The following NIPSNAP1 variants were observed in gnomAD, a reference collection of about 807,000 sequenced individuals.
The protein encoded by NIPSNAP1 is nipsnap homolog 1, also known as protein NipSnap homolog 1.
A neutral mutation model predicts 49.2 loss-of-function variants in NIPSNAP1; 25 were observed. The ratio of observed to expected loss-of-function variants is 0.51; its 90% confidence interval spans 0.37 to 0.71. NIPSNAP1 has a LOEUF of 0.71. NIPSNAP1 is among the 30% of genes least tolerant of loss of function. NIPSNAP1 has a pLI of 0.00. For missense variants in NIPSNAP1, 294 were observed against 361.0 expected (o/e 0.81, Z 1.50); for synonymous variants, 143 against 140.7 (o/e 1.02, Z -0.12).
rs867887669 is a variant in NIPSNAP1 at position 29,555,140 on chromosome 22, G to A, written c.*795C>T. 6.6e-6 allele frequency: 1 copy of A among 152,430 alleles called. No homozygotes were observed. Among genetic ancestry groups the A allele is most frequent in the East Asian group, 1.9e-4 (1 of 5,334 alleles). 9.4% of individuals were successfully genotyped at this position (152,430 alleles called of 1,614,324 possible). On this transcript the variant is annotated 3_prime_UTR_variant, in exon 10 of 10. Transcript: ENST00000216121. Reference sequence around the variant, plus strand: ...TTTAAGTTTTCAACCCCAATATGCAGGGGGAAACAGCCAAGCCACTCTCCA... The same window carrying A: ...TTTAAGTTTTCAACCCCAATATGCAAGGGGAAACAGCCAAGCCACTCTCCA...
Position 29,561,072 on chromosome 22 carries a change from T to A in NIPSNAP1, c.611+99A>T, listed in dbSNP as rs1172286617. The A allele has an allele frequency of 2.7e-5, 32 of 1,169,584 alleles. No homozygotes were observed. In the Admixed American group the frequency reaches 5.3e-4, roughly 20 times the overall value. The allele number at this position is 1,169,584 out of a possible 1,614,324, so 72.5% of individuals were successfully genotyped here. A position where few individuals can be genotyped will look rare whatever the true frequency, so the allele number is the denominator to read the frequency against. On this transcript the variant is annotated intron_variant, in intron 7 of 9. Transcript: ENST00000216121. ...GAGGGGCAGAAGGTAAAGAGTTCCCTGTGATATGGCCCTGGAAAAGGTGGC... is the reference window on the plus strand; with the variant it reads ...GAGGGGCAGAAGGTAAAGAGTTCCCAGTGATATGGCCCTGGAAAAGGTGGC...
At chr22:29,560,463 G>A (rs2064327638) in intron 8 of NIPSNAP1, among the ~76,000 whole-genome samples, 4 of 152,078 alleles carry the variant, frequency 2.6e-5, no homozygotes, top group Admixed American at 2.6e-4. Flanking sequence ...GGCCAGGATG[G>A]TCTCGATCTC....
intron 4 of NIPSNAP1, among the ~76,000 whole-genome samples, chr22:29,567,108 C>T (rs770739030): frequency 6.6e-6 from 1 of 152,160 alleles, no homozygotes; most frequent in Non-Finnish European, 1.5e-5. Context: ...GGTGACAGTA[C>T]AGAGCGAGGC....
Position 29,570,174 on chromosome 22 carries a change from T to C in NIPSNAP1, c.260A>G (p.Tyr87Cys). 3 of 1,613,874 alleles carry C rather than the reference T, an allele frequency of 1.9e-6. No individual in the cohort carries two copies. The highest frequency in any genetic ancestry group is 2.5e-6 in the Non-Finnish European group (3 of 1,179,962). Residue 87 changes from tyrosine to cysteine, a missense_variant, in exon 3 of 10, where the codon TAC becomes TGC. Physicochemically the swap from Tyr to Cys is radical, Grantham distance 194. Around this residue, in one of 4 missense-constraint regions of NIPSNAP1, gnomAD observed 55 missense variants for 46.2 expected, o/e 1.19. Transcript: ENST00000216121. The part of the protein sequence containing the change: ...HNVKPEYLDA[Y>C]NSLTEAVLPK... ...GCAGGGTGCTCACGTGAGGCTGTTG[T>C]AGGCATCCAGGTATTCAGGCTTTAC...
At chr22:29,568,348 T>C (rs1473217272) in intron 4 of NIPSNAP1, among the ~76,000 whole-genome samples, 1 of 147,864 alleles carries the variant, frequency 6.8e-6, no homozygotes, top group African/African-American at 2.5e-5. Flanking sequence ...CCAGGCCTGG[T>C]GGCACAGGCC....
intron 8 of NIPSNAP1, 61 bp downstream of exon 8, chr22:29,560,673 A>T: frequency 7.5e-7 from 1 of 1,340,442 alleles, no homozygotes; most frequent in Non-Finnish European, 1.1e-6. Flanking sequence ...CCCATTGGCT[A>T]CAGAGAGTGA....
At chr22:29,556,633 CT>C (rs1256263290) in intron 9 of NIPSNAP1, among the ~76,000 whole-genome samples, 5 of 152,212 alleles carry the variant, frequency 3.3e-5, no homozygotes, top group Non-Finnish European at 7.3e-5. Flanking sequence ...AGGTTAGACT[CT>C]TTCCTCCAGC....
intron 8 of NIPSNAP1, among the ~76,000 whole-genome samples, chr22:29,560,396 C>A (rs529568807): frequency 6.6e-6 from 1 of 152,024 alleles, no homozygotes; most frequent in Non-Finnish European, 1.5e-5. Flanking sequence ...TACAGGCATG[C>A]GCCACCACGC....
chr22:29,572,940 A>G (rs1490083719), intron 1 of NIPSNAP1, among the ~76,000 whole-genome samples: 1 of 151,916 alleles, frequency 6.6e-6, no homozygotes, highest in Non-Finnish European at 1.5e-5. Context: ...TGATCAGGCC[A>G]CTGCACTCCA....
chr22:29,567,504 G>A (rs926385476), intron 4 of NIPSNAP1, among the ~76,000 whole-genome samples: 12 of 152,132 alleles, frequency 7.9e-5, no homozygotes, highest in African/African-American at 4.8e-5. Context: ...GACCCAGCCC[G>A]CGTGGAGGAA....
At chr22:29,558,526 G>A (rs1026347143) in intron 9 of NIPSNAP1, among the ~76,000 whole-genome samples, 3 of 151,984 alleles carry the variant, frequency 2.0e-5, no homozygotes, top group Admixed American at 1.3e-4. Context: ...AGAATCTTCC[G>A]TTATAGCCCT....
intron 8 of NIPSNAP1, among the ~76,000 whole-genome samples, chr22:29,559,941 C>T (rs2064322137): frequency 6.6e-6 from 1 of 152,230 alleles, no homozygotes; most frequent in Non-Finnish European, 1.5e-5. Context: ...AATAGTCTCT[C>T]ATTGCATTTA....
chr22:29,561,503 C>T lies in NIPSNAP1; in HGVS notation c.579+3G>A, dbSNP rs2064335493. ...CAGGAGGGGGTCTGTCGGAGGGAGG[C>T]ACCTTGAGCTTGTATGTCCTCAGCT... On this transcript the variant is annotated splice_donor_region_variant and intron_variant, in intron 6 of 9. Transcript: ENST00000216121. 10 of 1,613,944 alleles carry T rather than the reference C, an allele frequency of 6.2e-6. No individual in the cohort carries two copies. Among genetic ancestry groups the T allele is most frequent in the Non-Finnish European group, 8.5e-6 (10 of 1,179,916 alleles).
At chr22:29,566,763 G>A (rs1464731674) in intron 4 of NIPSNAP1, among the ~76,000 whole-genome samples, 1 of 152,068 alleles carries the variant, frequency 6.6e-6, no homozygotes, top group African/African-American at 2.4e-5. Context: ...GGTCAAGGGT[G>A]CAGTGAGCTG....
intron 4 of NIPSNAP1, among the ~76,000 whole-genome samples, chr22:29,568,562 G>C (rs2064384549): frequency 6.6e-6 from 1 of 151,892 alleles, no homozygotes; most frequent in South Asian, 2.1e-4. Flanking sequence ...GGAGGCTGAG[G>C]CAGGTGGATC....
At chr22:29,572,341 T>TA (rs1367748576) in intron 1 of NIPSNAP1, among the ~76,000 whole-genome samples, 1 of 128,866 alleles carries the variant, frequency 7.8e-6, no homozygotes, top group Non-Finnish European at 1.7e-5. Context: ...GTCTTGCAAA[T>TA]AAAAAATCAA....
chr22:29,565,839 ATGTT>A (rs2064364745), intron 4 of NIPSNAP1, among the ~76,000 whole-genome samples: 1 of 152,216 alleles, frequency 6.6e-6, no homozygotes, highest in East Asian at 1.9e-4. Flanking sequence ...CATAAATAAT[ATGTT>A]AATGTCTGTT....
At chr22:29,556,700 G>A (rs1482475368) in intron 9 of NIPSNAP1, among the ~76,000 whole-genome samples, 1 of 152,114 alleles carries the variant, frequency 6.6e-6, no homozygotes, top group Non-Finnish European at 1.5e-5. Flanking sequence ...TCTTGTTAAT[G>A]TGCAGATTCT....
chr22:29,562,003 G>A (rs191693488), intron 4 of NIPSNAP1, 141 bp from the exon 5 acceptor site: 123 of 704,114 alleles, frequency 1.7e-4, no homozygotes, highest in Non-Finnish European at 2.2e-4. Context: ...AGTTCCCTCT[G>A]CCTTGGTGGA....
Sources: gnomAD v4.1 joint callset for allele counts (sites outside exome capture counted in the v4.1 genomes callset) on GRCh38, gnomAD v4.1.1 for gene constraint, gnomAD v4.1.1 regional missense constraint, MANE v1.5 for transcripts, NCBI Gene and HGNC (gene_info 2026-07-23, HGNC 2026-07-21) for gene names.